MAPK4: variants seen among roughly 807,000 people sequenced by gnomAD.
MAPK4 encodes mitogen-activated protein kinase 4, also known as Erk3-related.
In MAPK4, 22 loss-of-function variants were observed where a neutral mutation model predicts 47.7. The ratio of observed to expected loss-of-function variants is 0.46; its 90% CI spans 0.33 to 0.66. The LOEUF is 0.66. Among genes scored for constraint, MAPK4 ranks in the 30% least tolerant of loss-of-function variants. MAPK4 has a pLI of 0.02. For synonymous variants in MAPK4, 390 were observed against 365.7 expected (o/e 1.07, Z -0.76); for missense variants, 736 against 831.7 (o/e 0.88, Z 1.42).
chr18:50,717,132 C>A (rs1250101669), intron 3 of MAPK4, among the ~76,000 whole-genome samples: 3 of 152,174 alleles, frequency 2.0e-5, no homozygotes, highest in Non-Finnish European at 2.9e-5. Context: ...GACACAGAGC[C>A]CCACATCCTC....
intron 3 of MAPK4, among the ~76,000 whole-genome samples, chr18:50,717,658 C>G (rs1324059703): frequency 1.3e-5 from 2 of 152,180 alleles, no homozygotes; most frequent in East Asian, 3.9e-4. Flanking sequence ...ATGTGGGCTC[C>G]CTCCACCCTG....
chr18:50,649,470 T>A (rs1440735142), intron 1 of MAPK4, among the ~76,000 whole-genome samples: 2 of 152,104 alleles, frequency 1.3e-5, no homozygotes, highest in Non-Finnish European at 2.9e-5. Context: ...ACATCCTCAC[T>A]TGGTTTCCTC....
At chr18:50,640,751 C>G (rs541923469) in intron 1 of MAPK4, among the ~76,000 whole-genome samples, 1 of 152,162 alleles carries the variant, frequency 6.6e-6, no homozygotes, top group Non-Finnish European at 1.5e-5. Context: ...CAGGCATGAG[C>G]CACCGCACCC....
chr18:50,560,972 C>CT (rs1230336249), intron 1 of MAPK4, among the ~76,000 whole-genome samples: 1 of 152,268 alleles, frequency 6.6e-6, no homozygotes, highest in Non-Finnish European at 1.5e-5. Flanking sequence ...GCCAGCTACT[C>CT]TACGGAATCG....
chr18:50,640,348 T>C (rs1321541625), intron 1 of MAPK4, among the ~76,000 whole-genome samples: 1 of 150,710 alleles, frequency 6.6e-6, no homozygotes, highest in Non-Finnish European at 1.5e-5. Context: ...CAGATCTTAA[T>C]CGGCTCTTGT....
At chr18:50,655,214 G>A (rs1036607052) in intron 1 of MAPK4, among the ~76,000 whole-genome samples, 4 of 152,208 alleles carry the variant, frequency 2.6e-5, no homozygotes, top group African/African-American at 9.6e-5. Flanking sequence ...AGGCTCACAC[G>A]TCCCAGGGGG....
chr18:50,687,662 G>T (rs1400233889), intron 2 of MAPK4, among the ~76,000 whole-genome samples: 1 of 152,142 alleles, frequency 6.6e-6, no homozygotes, highest in Non-Finnish European at 1.5e-5. Context: ...GGTCTGAAGT[G>T]CCCACTCCCA....
At chr18:50,645,723 G>A (rs1183452349) in intron 1 of MAPK4, among the ~76,000 whole-genome samples, 1 of 152,152 alleles carries the variant, frequency 6.6e-6, no homozygotes, top group Non-Finnish European at 1.5e-5. Context: ...TAGGTGTCCT[G>A]GGGCATTTAA....
intron 1 of MAPK4, among the ~76,000 whole-genome samples, chr18:50,616,849 G>A (rs1377266411): frequency 6.6e-6 from 1 of 152,186 alleles, no homozygotes; most frequent in Admixed American, 6.5e-5. Context: ...TGACGGTTCT[G>A]CCTTTCCCGG....
intron 1 of MAPK4, among the ~76,000 whole-genome samples, chr18:50,638,490 C>T (rs912707768): frequency 4.6e-5 from 7 of 152,144 alleles, no homozygotes; most frequent in South Asian, 2.1e-4. Context: ...TGCCAAGAGC[C>T]GCTGCACCCT....
intron 2 of MAPK4, among the ~76,000 whole-genome samples, chr18:50,688,753 G>A (rs1484512192): frequency 2.6e-5 from 4 of 152,024 alleles, no homozygotes; most frequent in South Asian, 2.1e-4. Context: ...TGGGAGGGGG[G>A]TGAGGGATAA....
intron 1 of MAPK4, among the ~76,000 whole-genome samples, chr18:50,583,004 C>G (rs2042359248): frequency 6.6e-6 from 1 of 152,208 alleles, no homozygotes; most frequent in Admixed American, 6.5e-5. Context: ...GAGAGCATGT[C>G]ACAGCTCTTT....
intron 2 of MAPK4, among the ~76,000 whole-genome samples, chr18:50,688,907 A>G (rs574137422): frequency 6.6e-6 from 1 of 151,230 alleles, no homozygotes; most frequent in Non-Finnish European, 1.5e-5. Flanking sequence ...AAAAAAAAAA[A>G]AAAGAAAGAC....
At chr18:50,717,729 C>T (rs1910715171) in intron 3 of MAPK4, among the ~76,000 whole-genome samples, 1 of 152,184 alleles carries the variant, frequency 6.6e-6, no homozygotes, top group Non-Finnish European at 1.5e-5. Context: ...TCCCTGTGGC[C>T]CCACGGGGAG....
chr18:50,699,567 C>T (rs527494731), intron 2 of MAPK4, among the ~76,000 whole-genome samples: 6 of 152,172 alleles, frequency 3.9e-5, no homozygotes, highest in East Asian at 1.9e-4. Flanking sequence ...AATAGTATAC[C>T]ATTTATAATA....
rs545531143 is a variant in MAPK4 at position 50,671,081 on chromosome 18, C to T, written c.546+6577C>T. On this transcript the variant is annotated intron_variant, in intron 2 of 5. Transcript: ENST00000400384. ...ACAATGAAGGAGACTAAGAATGCCT[C>T]CCAGAGAACACAGGTGTGTCTGAAG... Among the ~76,000 whole-genome samples the T allele has an allele frequency of 2.6e-5, 4 of 152,314 alleles. No homozygotes were observed. In the East Asian group the frequency reaches 7.7e-4, roughly 29 times the overall value.
chr18:50,705,693 G>A (rs1910012719), intron 2 of MAPK4: 1 of 152,162 alleles, frequency 6.6e-6, no homozygotes, highest in South Asian at 2.1e-4. Context: ...AGAAAGGGGA[G>A]GCCTGGGGCT....
intron 1 of MAPK4, among the ~76,000 whole-genome samples, chr18:50,618,156 C>T (rs939991632): frequency 2.6e-5 from 4 of 152,146 alleles, no homozygotes; most frequent in Non-Finnish European, 2.9e-5. Flanking sequence ...CTGGCAAATA[C>T]TTGAAGCTAA....
chr18:50,632,170 G>A (rs1277115935), intron 1 of MAPK4, among the ~76,000 whole-genome samples: 1 of 152,120 alleles, frequency 6.6e-6, no homozygotes, highest in Admixed American at 6.5e-5. Flanking sequence ...GGCATTTCAG[G>A]TGGCCTTGGG....
Sources: gnomAD v4.1 joint callset for allele counts (sites outside exome capture counted in the v4.1 genomes callset) on GRCh38, gnomAD v4.1.1 for gene constraint, MANE v1.5 for transcripts, NCBI Gene and HGNC (gene_info 2026-07-23, HGNC 2026-07-21) for gene names.